The following PDE3A variants were observed in gnomAD, a reference collection of about 807,000 sequenced individuals.
PDE3A encodes the protein phosphodiesterase 3A.
In PDE3A, 43 loss-of-function variants were observed where a neutral mutation model predicts 98.3. The observed-to-expected ratio is 0.44, with a 90% CI of 0.34 to 0.56. The LOEUF (loss-of-function observed/expected upper bound fraction) is 0.56, where lower values mean the gene tolerates loss of function less well. Ranked by LOEUF, PDE3A falls within the 20% of genes least tolerant of loss-of-function variation. The pLI, the probability that PDE3A is intolerant of heterozygous loss-of-function variation, is 0.01. For missense variants in PDE3A, 1,427 were observed against 1,440.7 expected (o/e 0.99, Z 0.15); for synonymous variants, 663 against 567.9 (o/e 1.17, Z -2.38).
intron 2 of PDE3A, among the ~76,000 whole-genome samples, chr12:20,612,360 C>G (rs1943880149): frequency 6.6e-6 from 1 of 150,880 alleles, no homozygotes; most frequent in Admixed American, 6.6e-5. Context: ...TATGTTTTAT[C>G]TTCTCTGTGT....
chr12:20,466,764 G>A (rs1284300100), intron 1 of PDE3A, among the ~76,000 whole-genome samples: 2 of 152,178 alleles, frequency 1.3e-5, no homozygotes, highest in Admixed American at 6.5e-5. Context: ...TGTGATAGAC[G>A]AAGTTTGAAT....
chr12:20,576,596 T>C (rs929391959), intron 2 of PDE3A, among the ~76,000 whole-genome samples: 14 of 152,112 alleles, frequency 9.2e-5, no homozygotes, highest in Non-Finnish European at 1.8e-4. Flanking sequence ...TATCCACTAC[T>C]AGCAATAAAC....
intron 1 of PDE3A, among the ~76,000 whole-genome samples, chr12:20,389,067 A>T (rs1482006955): frequency 6.6e-6 from 1 of 152,060 alleles, no homozygotes; most frequent in South Asian, 2.1e-4. Flanking sequence ...ATATGATAGA[A>T]TCAGAGAATG....
chr12:20,404,826 G>GT (rs60736941), intron 1 of PDE3A, among the ~76,000 whole-genome samples: 15,395 of 94,550 alleles, frequency 0.16, 1,824 homozygotes, highest in Admixed American at 0.25. Flanking sequence ...AGGTTACAGA[G>GT]TTTTTTTTTT....
chr12:20,372,983 A>G (rs1485085840), intron 1 of PDE3A, among the ~76,000 whole-genome samples: 1 of 152,126 alleles, frequency 6.6e-6, no homozygotes, highest in Non-Finnish European at 1.5e-5. Context: ...CAAAGAGAAT[A>G]TATGATAAAA....
chr12:20,615,883 G>A (rs1451796887), intron 3 of PDE3A, among the ~76,000 whole-genome samples: 4 of 152,088 alleles, frequency 2.6e-5, no homozygotes, highest in African/African-American at 9.6e-5. Context: ...CCACCACCAC[G>A]CCCAGCTAAT....
chr12:20,612,275 TTTTG>T (rs1943876352), intron 2 of PDE3A, among the ~76,000 whole-genome samples: 1 of 151,704 alleles, frequency 6.6e-6, no homozygotes, highest in African/African-American at 2.4e-5. Context: ...GTTATTTACA[TTTTG>T]TTTGAATTGC....
At chr12:20,559,612 A>C (rs773717436) in intron 2 of PDE3A, among the ~76,000 whole-genome samples, 4 of 151,718 alleles carry the variant, frequency 2.6e-5, no homozygotes, top group Non-Finnish European at 2.9e-5. Context: ...CGGAGGTTGC[A>C]GTGAGCCAAG....
At chr12:20,449,440 G>C (rs1171424671) in intron 1 of PDE3A, among the ~76,000 whole-genome samples, 1 of 151,774 alleles carries the variant, frequency 6.6e-6, no homozygotes, top group African/African-American at 2.4e-5. Flanking sequence ...TCATTTTTTA[G>C]AACATCTTAA....
At chr12:20,562,257 C>T (rs1260438308) in intron 2 of PDE3A, among the ~76,000 whole-genome samples, 4 of 142,552 alleles carry the variant, frequency 2.8e-5, no homozygotes, top group African/African-American at 1.0e-4. Flanking sequence ...AGTCCGGCTC[C>T]GTGCCCAGGC....
chr12:20,386,674 G>C (rs1943815926), intron 1 of PDE3A, among the ~76,000 whole-genome samples: 1 of 151,748 alleles, frequency 6.6e-6, no homozygotes, highest in Non-Finnish European at 1.5e-5. Flanking sequence ...TGTAGATTCT[G>C]GATATTAGAC....
chr12:20,415,369 CTCGGAA>C (rs1439368432), intron 1 of PDE3A, among the ~76,000 whole-genome samples: 1 of 151,750 alleles, frequency 6.6e-6, no homozygotes, highest in Non-Finnish European at 1.5e-5. Context: ...ATTCAGTTCA[CTCGGAA>C]TAAGCCGTTG....
At chr12:20,535,172 A>G (rs1471418636) in intron 1 of PDE3A, among the ~76,000 whole-genome samples, 1 of 152,030 alleles carries the variant, frequency 6.6e-6, no homozygotes, top group Non-Finnish European at 1.5e-5. Context: ...AATACCCTGA[A>G]CTCTTAAACT....
chr12:20,653,917 A>C (rs1944980352), intron 14 of PDE3A, 30 bp from the exon 15 acceptor site: 1 of 1,604,760 alleles, frequency 6.2e-7, no homozygotes, highest in African/African-American at 1.3e-5. Context: ...TGCCAGGTGA[A>C]TGTTGACTTC....
At chr12:20,585,040 A>G (rs1011560702) in intron 2 of PDE3A, among the ~76,000 whole-genome samples, 1 of 152,206 alleles carries the variant, frequency 6.6e-6, no homozygotes, top group African/African-American at 2.4e-5. Flanking sequence ...AAATCTACTA[A>G]TAGTACCTCA....
At chr12:20,409,399 C>A (rs554904755) in intron 1 of PDE3A, among the ~76,000 whole-genome samples, 12 of 151,998 alleles carry the variant, frequency 7.9e-5, no homozygotes, top group Non-Finnish European at 1.6e-4. Context: ...ATTATTAGCT[C>A]TCTTATTTAA....
rs1945786245 is a variant in PDE3A at position 20,681,611 on chromosome 12, G to A, written c.*1340G>A. 6.6e-6 allele frequency: 1 copy of A among 152,200 alleles called. No individual in the cohort carries two copies. The highest frequency in any genetic ancestry group is 2.1e-4 in the South Asian group (1 of 4,828). 9.4% of individuals were successfully genotyped at this position (152,200 alleles called of 1,614,324 possible). A position where few individuals can be genotyped will look rare whatever the true frequency, so the allele number is the denominator to read the frequency against. ...CCCCTGTTGTGGTGTTCCACACGCT[G>A]TTTGTTGGGGTAGCTTCCATCGGCA... On this transcript the variant is annotated 3_prime_UTR_variant, in exon 16 of 16. Coordinates refer to ENST00000359062, the MANE Select transcript of PDE3A (RefSeq NM_000921.5).
At chr12:20,657,574 G>A (rs1945072454) in intron 15 of PDE3A, among the ~76,000 whole-genome samples, 1 of 152,144 alleles carries the variant, frequency 6.6e-6, no homozygotes, top group Non-Finnish European at 1.5e-5. Flanking sequence ...GAACTAAGAG[G>A]TTCCTAATGA....
chr12:20,496,368 G>A (rs1945919267), intron 1 of PDE3A, among the ~76,000 whole-genome samples: 1 of 152,168 alleles, frequency 6.6e-6, no homozygotes, highest in Non-Finnish European at 1.5e-5. Flanking sequence ...TGGTTGGCTA[G>A]TTACCATTAT....
Sources: gnomAD v4.1 joint callset for allele counts (sites outside exome capture counted in the v4.1 genomes callset) on GRCh38, gnomAD v4.1.1 for gene constraint, MANE v1.5 for transcripts, NCBI Gene and HGNC (gene_info 2026-07-23, HGNC 2026-07-21) for gene names.